AGAP1: variants seen among roughly 807,000 people sequenced by gnomAD.
AGAP1 encodes ArfGAP with GTPase domain, ankyrin repeat and PH domain 1.
In AGAP1, 29 loss-of-function variants were observed where a neutral mutation model predicts 105.3. The ratio of observed to expected loss-of-function variants is 0.28; its 90% CI spans 0.21 to 0.38. The LOEUF (loss-of-function observed/expected upper bound fraction) is 0.38. Among genes scored for constraint, AGAP1 ranks in the 10% least tolerant of loss-of-function variants. AGAP1 has a pLI of 1.00. For synonymous variants in AGAP1, 509 were observed against 485.9 expected (o/e 1.05, Z -0.63); for missense variants, 998 against 1,165.1 (o/e 0.86, Z 2.09).
At chr2:235,846,795 C>G (rs1267834062) in intron 9 of AGAP1, among the ~76,000 whole-genome samples, 3 of 152,158 alleles carry the variant, frequency 2.0e-5, no homozygotes, top group Non-Finnish European at 4.4e-5. Context: ...CTCCACCATG[C>G]CTGGCTTTTT....
intron 9 of AGAP1, among the ~76,000 whole-genome samples, chr2:235,832,994 G>A (rs1053336497): frequency 2.0e-5 from 3 of 152,224 alleles, no homozygotes; most frequent in African/African-American, 7.2e-5. Flanking sequence ...CTTTGGCTCT[G>A]AGACTGTGTG....
In AGAP1 at chr2:235,793,413, G is replaced by A. The variant is rs868415423; in HGVS notation, c.674-4346G>A. Among the ~76,000 whole-genome samples, 77 of 152,308 alleles carry A rather than the reference G, an allele frequency of 5.1e-4. No individual in the cohort carries two copies. Among genetic ancestry groups the A allele is most frequent in the African/African-American group, 1.4e-3 (57 of 41,566 alleles). On this transcript the variant is annotated intron_variant, in intron 6 of 17. Transcript: ENST00000304032. This position sits in a 1 kb window ranked among gnomAD's most constrained non-coding sequence, Gnocchi z 5.3. ...AGAAGTTAGAAATTGATGACAAACT[G>A]AGGGTGCAGGGCAAAAGAACACATG...
At chr2:235,637,208 G>C (rs895731546) in intron 1 of AGAP1, among the ~76,000 whole-genome samples, 1 of 152,120 alleles carries the variant, frequency 6.6e-6, no homozygotes, top group Admixed American at 6.5e-5. Context: ...TGTAAAATGA[G>C]GCTAAGACCT....
chr2:235,595,030 G>T (rs1046621377), intron 1 of AGAP1, among the ~76,000 whole-genome samples: 1 of 152,086 alleles, frequency 6.6e-6, no homozygotes, highest in African/African-American at 2.4e-5. Context: ...CCCGGCATGT[G>T]GACGGAATGA....
At chr2:235,529,997 G>T (rs1020448461) in intron 1 of AGAP1, among the ~76,000 whole-genome samples, 36 of 152,134 alleles carry the variant, frequency 2.4e-4, no homozygotes, top group African/African-American at 8.4e-4. Flanking sequence ...TGGTTTTGGG[G>T]TCAAAGTAGG....
intron 1 of AGAP1, among the ~76,000 whole-genome samples, chr2:235,528,094 G>T (rs1942910338): frequency 6.6e-6 from 1 of 152,178 alleles, no homozygotes; most frequent in Non-Finnish European, 1.5e-5. Flanking sequence ...TCCTGGATCT[G>T]TCAAAAATTG....
At chr2:235,583,260 AACATGTC>A (rs1944992669) in intron 1 of AGAP1, among the ~76,000 whole-genome samples, 1 of 151,862 alleles carries the variant, frequency 6.6e-6, no homozygotes, top group Non-Finnish European at 1.5e-5. Context: ...AGCAGCCATA[AACATGTC>A]TTACTGCGGC....
chr2:235,839,063 G>A (rs1439848715), intron 9 of AGAP1, among the ~76,000 whole-genome samples: 2 of 152,168 alleles, frequency 1.3e-5, no homozygotes, highest in Non-Finnish European at 2.9e-5. Context: ...CAACTCTGTC[G>A]GATATTTCAT....
At chr2:235,948,727 G>T (rs2125251563) in intron 12 of AGAP1, among the ~76,000 whole-genome samples, 1 of 152,238 alleles carries the variant, frequency 6.6e-6, no homozygotes, top group South Asian at 2.1e-4. Context: ...GGGGACAGTG[G>T]GGGCACAGCA....
Position 235,733,641 on chromosome 2 carries a change from C to T in AGAP1, c.311-7322C>T, listed in dbSNP as rs1366084935. Among the ~76,000 whole-genome samples, 1 of 152,046 alleles carries T rather than the reference C, an allele frequency of 6.6e-6. No homozygotes were observed. The highest frequency in any genetic ancestry group is 1.5e-5 in the Non-Finnish European group (1 of 68,016). ...TTCTTGTTCTGTGTTCCTTTTGTAC[C>T]TTACTTAGATCTCGGTTAAATGAAA... On this transcript the variant is annotated intron_variant, in intron 3 of 17. Coordinates refer to ENST00000304032, the MANE Select transcript of AGAP1 (RefSeq NM_001037131.3). This position sits in a 1 kb window ranked among gnomAD's most constrained non-coding sequence, Gnocchi z 5.0.
intron 3 of AGAP1, among the ~76,000 whole-genome samples, chr2:235,718,655 C>T (rs554272024): frequency 5.9e-5 from 9 of 152,258 alleles, no homozygotes; most frequent in East Asian, 5.8e-4. Context: ...CGGAACCGTT[C>T]GGAGAAGTAT....
chr2:235,686,251 A>G (rs1351085642), intron 1 of AGAP1, among the ~76,000 whole-genome samples: 2 of 152,086 alleles, frequency 1.3e-5, no homozygotes, highest in East Asian at 1.9e-4. Context: ...CTGGGAGGGA[A>G]GAGGTGCTGG....
rs995863709 is a variant in AGAP1, at chr2:235,962,266, G to A, written c.1484-6196G>A. ...GTACACTGACCACACAGAGGAGGCCGGTGTGCATGGCACCACCCTCTCCCA... is the reference window on the plus strand; with the variant it reads ...GTACACTGACCACACAGAGGAGGCCAGTGTGCATGGCACCACCCTCTCCCA... On this transcript the variant is annotated intron_variant, in intron 12 of 17. Coordinates refer to ENST00000304032, the MANE Select transcript of AGAP1 (RefSeq NM_001037131.3). The surrounding 1 kb of genome is among the most constrained non-coding windows in gnomAD (Gnocchi z 5.3). 2.0e-5 allele frequency among the ~76,000 whole-genome samples: 3 copies of A among 152,034 alleles called. No individual in the cohort carries two copies. Among genetic ancestry groups the A allele is most frequent in the African/African-American group, 4.8e-5 (2 of 41,408 alleles).
chr2:235,822,182 C>T (rs1181460391), intron 9 of AGAP1, among the ~76,000 whole-genome samples: 4 of 152,164 alleles, frequency 2.6e-5, no homozygotes, highest in Admixed American at 2.6e-4. Context: ...TAGTGATAGA[C>T]GTTGTACTCA....
intron 1 of AGAP1, among the ~76,000 whole-genome samples, chr2:235,522,060 A>T (rs547040755): frequency 6.6e-6 from 1 of 152,300 alleles, no homozygotes; most frequent in South Asian, 2.1e-4. Context: ...CAGGATGTGC[A>T]GTCTTTTTGG....
At chr2:235,687,855 TTTC>T (rs1341798861) in intron 1 of AGAP1, among the ~76,000 whole-genome samples, 3 of 141,900 alleles carry the variant, frequency 2.1e-5, no homozygotes, top group Non-Finnish European at 4.8e-5. Flanking sequence ...GGATTTTTTT[TTTC>T]TTTTTTTTTT....
chr2:236,112,600 T>A (rs2059676734), intron 16 of AGAP1, among the ~76,000 whole-genome samples: 1 of 152,190 alleles, frequency 6.6e-6, no homozygotes, highest in Admixed American at 6.5e-5. Context: ...GCACCTGCTT[T>A]CTGTTCACAG....
rs965765759 is a variant in AGAP1 at position 235,893,294 on chromosome 2, G to A, written c.1155+9845G>A. Among the ~76,000 whole-genome samples the A allele has an allele frequency of 4.7e-5, 7 of 149,980 alleles. No individual in the cohort carries two copies. Among genetic ancestry groups the A allele is most frequent in the South Asian group, 2.2e-4 (1 of 4,620 alleles). ...GCCGTGTCTGTAGCGTGGGTGTAGC[G>A]TGTCTGTGGCGCAGGTGTGCCGTGT... On this transcript the variant is annotated intron_variant, in intron 10 of 17. Transcript: ENST00000304032. The surrounding 1 kb of genome is among the most constrained non-coding windows in gnomAD (Gnocchi z 4.7).
chr2:235,587,156 C>G (rs979035601), intron 1 of AGAP1, among the ~76,000 whole-genome samples: 1 of 152,274 alleles, frequency 6.6e-6, no homozygotes, highest in African/African-American at 2.4e-5. Context: ...AATAGACTCA[C>G]GTTGATTTCA....
Sources: gnomAD v4.1 joint callset for allele counts (sites outside exome capture counted in the v4.1 genomes callset) on GRCh38, gnomAD v4.1.1 for gene constraint, Gnocchi (gnomAD v3.1) non-coding constraint, MANE v1.5 for transcripts, NCBI Gene and HGNC (gene_info 2026-07-23, HGNC 2026-07-21) for gene names.